Variants in RANBP17 observed in about 807,000 individuals in gnomAD.
RANBP17 encodes RAN binding protein 17.
In RANBP17, 158 loss-of-function variants were observed where a neutral mutation model predicts 141.2. The observed-to-expected ratio is 1.12, with a 90% confidence interval of 0.98 to 1.28. The LOEUF (loss-of-function observed/expected upper bound fraction) is 1.28, where lower values mean the gene tolerates loss of function less well. RANBP17 is among the 50% of genes most tolerant of loss of function. The pLI, the probability that RANBP17 is intolerant of heterozygous loss-of-function variation, is 0.00. For synonymous variants in RANBP17, 430 were observed against 450.0 expected, an observed-to-expected ratio of 0.96 and a Z score of 0.56; for missense variants, 1,438 against 1,290.7, an observed-to-expected ratio of 1.11 and a Z score of -1.75.
chr5:170,961,189 T>G lies in RANBP17; in HGVS notation c.1575-7053T>G, dbSNP rs375193317. 4.1e-4 allele frequency among the ~76,000 whole-genome samples: 62 copies of G among 152,306 alleles called. 1 individual carries two copies. In the South Asian group the frequency reaches 0.012, roughly 31 times the overall value. Reference sequence around the variant, plus strand: ...CCAGCTGCTTCTTTTATCTTCCTCTTGATAGATTATAGATTTCTAGAGGAC... The same window carrying G: ...CCAGCTGCTTCTTTTATCTTCCTCTGGATAGATTATAGATTTCTAGAGGAC... On this transcript the variant is annotated intron_variant, in intron 13 of 27. Coordinates refer to ENST00000523189, the MANE Select transcript of RANBP17 (RefSeq NM_022897.5).
At chr5:171,047,209 G>A (rs866238819) in intron 14 of RANBP17, among the ~76,000 whole-genome samples, 2 of 151,154 alleles carry the variant, frequency 1.3e-5, no homozygotes, top group Non-Finnish European at 2.9e-5. Flanking sequence ...GTAAAGATGG[G>A]GTTTCACCAT....
intron 14 of RANBP17, among the ~76,000 whole-genome samples, chr5:171,132,920 T>C (rs1196278622): frequency 1.3e-5 from 2 of 152,022 alleles, no homozygotes; most frequent in Non-Finnish European, 2.9e-5. Flanking sequence ...AGTTTCGCTC[T>C]TGTTGCCCAG....
intron 14 of RANBP17, among the ~76,000 whole-genome samples, chr5:170,976,748 C>T (rs527778508): frequency 6.6e-6 from 1 of 152,048 alleles, no homozygotes; most frequent in Non-Finnish European, 1.5e-5. Flanking sequence ...AGGGCATCAA[C>T]ATAACTCAGT....
intron 14 of RANBP17, among the ~76,000 whole-genome samples, chr5:171,068,569 TTTGTTGTTG>T (rs35125398): frequency 2.8e-4 from 42 of 149,042 alleles, no homozygotes; most frequent in East Asian, 1.6e-3. Flanking sequence ...TTACTTTCCT[TTTGTTGTTG>T]TTGTTGTTGT....
At chr5:170,901,846 G>C (rs371520890) in intron 5 of RANBP17, among the ~76,000 whole-genome samples, 1 of 152,116 alleles carries the variant, frequency 6.6e-6, no homozygotes, top group Non-Finnish European at 1.5e-5. Context: ...TTGAATATTG[G>C]CCCCCACTCT....
intron 5 of RANBP17, among the ~76,000 whole-genome samples, chr5:170,901,940 G>A (rs4380681): frequency 0.6 from 91,092 of 151,672 alleles, 29,040 homozygotes; most frequent in South Asian, 0.89. Flanking sequence ...CTTTCTCTCT[G>A]TCTGCCCTTA....
intron 14 of RANBP17, among the ~76,000 whole-genome samples, chr5:171,053,533 A>G (rs1388564521): frequency 2.0e-5 from 3 of 152,128 alleles, no homozygotes; most frequent in Non-Finnish European, 2.9e-5. Flanking sequence ...GATTGCTAGT[A>G]TATAGGAACT....
intron 16 of RANBP17, among the ~76,000 whole-genome samples, chr5:171,182,487 T>C (rs1212409172): frequency 1.3e-5 from 2 of 152,234 alleles, no homozygotes; most frequent in African/African-American, 4.8e-5. Flanking sequence ...TGTCAATCCA[T>C]GGCTGTATAA....
intron 14 of RANBP17, among the ~76,000 whole-genome samples, chr5:170,995,943 A>G (rs1022082475): frequency 2.0e-5 from 3 of 152,070 alleles, no homozygotes; most frequent in Admixed American, 1.3e-4. Context: ...GGAGGATCCC[A>G]TGGGGCCAGG....
At chr5:171,136,970 G>C (rs1156237945) in intron 14 of RANBP17, among the ~76,000 whole-genome samples, 1 of 152,072 alleles carries the variant, frequency 6.6e-6, no homozygotes, top group African/African-American at 2.4e-5. Context: ...TAAATTGTCA[G>C]TAGTGCAGGA....
chr5:171,180,441 A>T (rs1254206440), intron 16 of RANBP17, among the ~76,000 whole-genome samples: 1 of 152,188 alleles, frequency 6.6e-6, no homozygotes, highest in African/African-American at 2.4e-5. Context: ...TGTTACCACC[A>T]TTACCAGATT....
chr5:171,247,268 G>T (rs1344585334), intron 24 of RANBP17, among the ~76,000 whole-genome samples: 1 of 152,138 alleles, frequency 6.6e-6, no homozygotes, highest in African/African-American at 2.4e-5. Context: ...CATATTGGTG[G>T]TTTATCTTCA....
chr5:170,976,515 G>A (rs577039), intron 14 of RANBP17, among the ~76,000 whole-genome samples: 31 of 152,032 alleles, frequency 2.0e-4, no homozygotes, highest in Non-Finnish European at 3.8e-4. Flanking sequence ...TTAAAAGAAC[G>A]CAGAATAGCC....
At chr5:170,891,919 A>G (rs556534110) in intron 3 of RANBP17, among the ~76,000 whole-genome samples, 8 of 152,336 alleles carry the variant, frequency 5.3e-5, no homozygotes, top group African/African-American at 1.7e-4. Flanking sequence ...GACATATTCA[A>G]CAAAAGTGTT....
chr5:170,880,490 G>A (rs1768568039), intron 2 of RANBP17, among the ~76,000 whole-genome samples: 1 of 152,114 alleles, frequency 6.6e-6, no homozygotes, highest in Admixed American at 6.6e-5. Context: ...TGTGTGATTG[G>A]CTAACAAATG....
chr5:171,019,760 T>G, intron 14 of RANBP17, among the ~76,000 whole-genome samples: 1 of 152,052 alleles, frequency 6.6e-6, no homozygotes, highest in African/African-American at 2.4e-5. Flanking sequence ...CTTGATCTCC[T>G]TAAGTTCTTC....
At chr5:171,284,436 C>G (rs1768033660) in intron 25 of RANBP17, 2 of 152,026 alleles carry the variant, frequency 1.3e-5, no homozygotes, top group Non-Finnish European at 2.9e-5. Context: ...GCAATCCTCC[C>G]ACCTCAGCCT....
chr5:171,106,451 G>A (rs1313696927), intron 14 of RANBP17, among the ~76,000 whole-genome samples: 1 of 152,160 alleles, frequency 6.6e-6, no homozygotes. Context: ...AGAAGAATGA[G>A]ATTTTTCTAG....
At chr5:171,241,465 C>A (rs1016057155) in intron 23 of RANBP17, among the ~76,000 whole-genome samples, 4 of 152,050 alleles carry the variant, frequency 2.6e-5, no homozygotes, top group African/African-American at 9.7e-5. Context: ...TCTGGAAGGC[C>A]TTTGTTAGTC....
Sources: gnomAD v4.1 joint callset for allele counts (sites outside exome capture counted in the v4.1 genomes callset) on GRCh38, gnomAD v4.1.1 for gene constraint, MANE v1.5 for transcripts, NCBI Gene and HGNC (gene_info 2026-07-23, HGNC 2026-07-21) for gene names.